The following DOCK7 variants were observed in gnomAD, a reference collection of about 807,000 sequenced individuals.
DOCK7 encodes the protein dedicator of cytokinesis protein 7.
A neutral mutation model predicts 271.0 loss-of-function variants in DOCK7; 138 were observed. The ratio of observed to expected loss-of-function variants is 0.51; its 90% CI spans 0.44 to 0.59. The LOEUF (loss-of-function observed/expected upper bound fraction) is 0.59. Ranked by LOEUF, DOCK7 falls within the 20% of genes least tolerant of loss-of-function variation. DOCK7 has a pLI of 0.00. For synonymous variants in DOCK7, 823 were observed against 876.1 expected (o/e 0.94, Z 1.07); for missense variants, 2,066 against 2,592.4 (o/e 0.80, Z 4.41).
At chr1:62,570,887 C>A (rs1453240995) in intron 18 of DOCK7, among the ~76,000 whole-genome samples, 1 of 152,134 alleles carries the variant, frequency 6.6e-6, no homozygotes, top group Middle Eastern at 3.2e-3. Flanking sequence ...CTTCCTTACA[C>A]CTTATACAAA....
chr1:62,468,356 G>A (rs12124284), intron 48 of DOCK7, among the ~76,000 whole-genome samples: 46,926 of 127,088 alleles, frequency 0.37, 8,680 homozygotes, highest in African/African-American at 0.48. Flanking sequence ...GCGAGACTCT[G>A]TCTCAAAAAA....
chr1:62,455,635 GCTA>G, intron 49 of DOCK7, 179 bp from the exon 50 acceptor site: 1 of 622,278 alleles, frequency 1.6e-6, no homozygotes, highest in East Asian at 2.8e-5. Flanking sequence ...TATAGATTTA[GCTA>G]TAGAAGTGTA....
At chr1:62,610,463 CTAT>C (rs199524312) in intron 14 of DOCK7, among the ~76,000 whole-genome samples, 25 of 150,900 alleles carry the variant, frequency 1.7e-4, no homozygotes, top group South Asian at 1.0e-3. Flanking sequence ...CATACATTTA[CTAT>C]TATTATTATT....
At chr1:62,486,976 T>C (rs1277896683) in intron 43 of DOCK7, 1 of 153,280 alleles carries the variant, frequency 6.5e-6, no homozygotes, top group East Asian at 1.9e-4. Flanking sequence ...GTTTTGTAAT[T>C]GATGCCATCT....
At chr1:62,470,140 T>C (rs1645789685) in intron 48 of DOCK7, among the ~76,000 whole-genome samples, 1 of 152,166 alleles carries the variant, frequency 6.6e-6, no homozygotes, top group South Asian at 2.1e-4. Context: ...GCAGCACAAT[T>C]TGTAATAGCA....
chr1:62,503,731 G>A (rs1168029), intron 37 of DOCK7, among the ~76,000 whole-genome samples: 87,253 of 151,830 alleles, frequency 0.57, 26,786 homozygotes, highest in East Asian at 0.76. Flanking sequence ...GTGAGCCACT[G>A]GAGCCAGCCA....
intron 18 of DOCK7, among the ~76,000 whole-genome samples, chr1:62,567,726 A>G (rs566990824): frequency 7.4e-4 from 112 of 151,928 alleles, no homozygotes; most frequent in African/African-American, 2.7e-3. Flanking sequence ...GAAATTCAAC[A>G]TCTCTGAGGC....
chr1:62,618,884 T>C lies in DOCK7; in HGVS notation c.1520-16A>G. The C allele has an allele frequency of 1.2e-6, 2 of 1,606,956 alleles. No homozygotes were observed. Among genetic ancestry groups the C allele is most frequent in the Non-Finnish European group, 8.5e-7 (1 of 1,175,530 alleles). ...TTGAGCTGAGCTGCAAATTATATAT[T>C]AAAAAACAATGTAAAGACAATAAAA... is the stretch of plus-strand genomic sequence containing the variant. On this transcript the variant is annotated splice_polypyrimidine_tract_variant and intron_variant, in intron 13 of 49. Transcript: ENST00000635253.
At position 62,513,915 on chromosome 1, in the gene DOCK7, G is replaced by A. The variant is rs368060683; in HGVS notation, c.3937-17C>T. ...CCTGCCACTCTGAAAATAAAGAGCA[G>A]TAGAATGAGACAGATTGATCAAAGA... On this transcript the variant is annotated splice_polypyrimidine_tract_variant and intron_variant, in intron 31 of 49. Coordinates refer to ENST00000635253, the MANE Select transcript of DOCK7 (RefSeq NM_001367561.1). The A allele has an allele frequency of 2.5e-6, 4 of 1,606,198 alleles. No homozygotes were observed. Among genetic ancestry groups the A allele is most frequent in the Non-Finnish European group, 3.4e-6 (4 of 1,176,340 alleles).
Position 62,535,596 on chromosome 1 carries a change from T to C in DOCK7, c.3508A>G (p.Ile1170Val), listed in dbSNP as rs770962486. 26 of 1,613,968 alleles carry C rather than the reference T, an allele frequency of 1.6e-5. No homozygotes were observed. In the Middle Eastern group the frequency reaches 5.0e-4, roughly 31 times the overall value. Residue 1170 changes from isoleucine (I) to valine (V), a missense_variant, in exon 29 of 50, where the codon ATT becomes GTT. Physicochemically the swap from Ile to Val is conservative, Grantham distance 29. Transcript: ENST00000635253. ...ACGGATAATTCAAACATATTTGCAA[T>C]CTTTTGGTCTTGTACATTCGTAGAA... ...GFSTNVQDQKIANMFELSVPF... is the reference protein window; with the variant it reads ...GFSTNVQDQKVANMFELSVPF...
chr1:62,503,169 T>C (rs1358394645), intron 37 of DOCK7, among the ~76,000 whole-genome samples: 2 of 151,766 alleles, frequency 1.3e-5, no homozygotes, highest in Admixed American at 6.6e-5. Flanking sequence ...ACAAACACAG[T>C]AATAGGCTTT....
At chr1:62,495,894 T>C in intron 38 of DOCK7, 1 of 433,252 alleles carries the variant, frequency 2.3e-6, no homozygotes, top group Non-Finnish European at 4.0e-6. Flanking sequence ...TGTTTATTTT[T>C]GTTCTTTCAC....
intron 12 of DOCK7, among the ~76,000 whole-genome samples, chr1:62,620,655 C>T (rs1352194120): frequency 1.3e-5 from 2 of 151,436 alleles, no homozygotes; most frequent in Non-Finnish European, 2.9e-5. Context: ...CCGAGGCGGG[C>T]GGACCATGAG....
At chr1:62,625,480 G>T in intron 11 of DOCK7, 79 bp from the exon 12 acceptor site, 1 of 1,397,008 alleles carries the variant, frequency 7.2e-7, no homozygotes, top group Non-Finnish European at 9.8e-7. Flanking sequence ...ACACAAGGAA[G>T]AATCTACTAA....
chr1:62,619,811 A>AC, intron 13 of DOCK7, 89 bp downstream of exon 13: 1 of 627,508 alleles, frequency 1.6e-6, no homozygotes, highest in Non-Finnish European at 2.4e-6. Flanking sequence ...GGCCAGATAA[A>AC]TAAAAAAAAA....
intron 23 of DOCK7, among the ~76,000 whole-genome samples, 170 bp from the exon 24 acceptor site, chr1:62,543,915 T>C (rs1309252901): frequency 6.6e-6 from 1 of 152,196 alleles, no homozygotes; most frequent in African/African-American, 2.4e-5. Context: ...TTAATGACAA[T>C]GCATAAGTAG....
intron 18 of DOCK7, among the ~76,000 whole-genome samples, chr1:62,576,707 G>A (rs1199682091): frequency 1.3e-5 from 2 of 152,104 alleles, no homozygotes; most frequent in Non-Finnish European, 2.9e-5. Flanking sequence ...TTTATGAACG[G>A]TGGCTATTGA....
At position 62,492,771 on chromosome 1, in the gene DOCK7, G is replaced by C; in HGVS notation, c.5294C>G (p.Ser1765Cys). 6.2e-7 allele frequency: 1 copy of C among 1,614,078 alleles called. No individual in the cohort carries two copies. Among genetic ancestry groups the C allele is most frequent in the South Asian group, 1.1e-5 (1 of 91,076 alleles). Residue 1765 changes from serine to cysteine, a missense_variant, in exon 41 of 50, where the codon TCT becomes TGT. Ser to Cys is a moderately radical substitution (Grantham distance 112). This residue lies in a region of DOCK7 where 652 missense variants were observed against 922.1 expected (regional missense o/e 0.71). Coordinates refer to ENST00000635253, the MANE Select transcript of DOCK7 (RefSeq NM_001367561.1). ...TCCTGACTCAGTAAAGTATTTTCCAGAGCAGATACCTTCTTCATCTGGAGA... is the reference window on the plus strand; with the variant it reads ...TCCTGACTCAGTAAAGTATTTTCCACAGCAGATACCTTCTTCATCTGGAGA... ...VVSPDEEGIC[S>C]GKYFTESGLV...
intron 22 of DOCK7, among the ~76,000 whole-genome samples, chr1:62,545,357 T>G (rs1175234149): frequency 1.3e-5 from 2 of 152,086 alleles, no homozygotes; most frequent in African/African-American, 4.8e-5. Context: ...TCTTTAAAGA[T>G]AGTACAAGTT....
Sources: gnomAD v4.1 joint callset for allele counts (sites outside exome capture counted in the v4.1 genomes callset) on GRCh38, gnomAD v4.1.1 for gene constraint, gnomAD v4.1.1 regional missense constraint, MANE v1.5 for transcripts, NCBI Gene and HGNC (gene_info 2026-07-23, HGNC 2026-07-21) for gene names.